CCDC197: variants seen among roughly 807,000 people sequenced by gnomAD.
CCDC197 encodes the protein uncharacterized protein CCDC197.
A neutral mutation model predicts 13.4 loss-of-function variants in CCDC197; 24 were observed. The ratio of observed to expected loss-of-function variants is 1.80; its 90% CI spans 1.30 to 2.53. CCDC197 has a LOEUF of 2.53. CCDC197 is among the 30% of genes most tolerant of loss of function. The pLI is 0.00. For synonymous variants in CCDC197, 99 were observed against 55.5 expected, an observed-to-expected ratio of 1.78 and a Z score of -3.48; for missense variants, 255 against 148.8, an observed-to-expected ratio of 1.71 and a Z score of -3.71.
At chr14:93,998,557 C>T (rs987562547) in intron 2 of CCDC197, among the ~76,000 whole-genome samples, 2 of 152,174 alleles carry the variant, frequency 1.3e-5, no homozygotes, top group African/African-American at 2.4e-5. Context: ...GGCCAGTCTA[C>T]GAGGTTGCCG....
At chr14:93,995,802 G>T (rs1890280741), upstream of CCDC197, among the ~76,000 whole-genome samples, 2 of 152,096 alleles carry the variant, frequency 1.3e-5, no homozygotes, top group African/African-American at 4.8e-5. Context: ...TTCTGATTCT[G>T]CACCTCCCTA....
Position 94,008,748 on chromosome 14 carries a change from G to A in CCDC197, c.755G>A (p.Arg252Gln), listed in dbSNP as rs768169605. 1.6e-5 allele frequency: 11 copies of A among 702,630 alleles called. No homozygotes were observed. Among genetic ancestry groups the A allele is most frequent in the Admixed American group, 4.0e-5 (2 of 50,004 alleles). The allele number at this position is 702,630 out of a possible 1,614,324, so 43.5% of individuals were successfully genotyped here. Residue 252 changes from arginine (R) to glutamine (Q), a missense_variant, in exon 7 of 7, where the codon CGG (arginine) becomes CAG (glutamine). Arg to Gln is a conservative substitution (Grantham distance 43, BLOSUM62 1). Coordinates refer to ENST00000636493, the MANE Select transcript of CCDC197 (RefSeq NM_001351596.2). ...PKPFRKCPRRRVSTPRTPFPS... is the reference protein window; with the variant it reads ...PKPFRKCPRRQVSTPRTPFPS... ...CCCTTCAGGAAATGTCCAAGGAGGC[G>A]GGTTTCCACCCCCAGGACCCCCTTT... is the stretch of plus-strand genomic sequence containing the variant.
upstream of CCDC197, among the ~76,000 whole-genome samples, chr14:93,996,879 G>A (rs1246462499): frequency 1.3e-5 from 2 of 152,210 alleles, no homozygotes; most frequent in African/African-American, 2.4e-5. Context: ...CCCAGACATG[G>A]GTCCTTCAGC....
intron 4 of CCDC197, 22 bp downstream of exon 4, chr14:94,001,345 C>T (rs1890500163): frequency 2.7e-6 from 2 of 735,452 alleles, no homozygotes; most frequent in Non-Finnish European, 5.1e-6. Flanking sequence ...TTGAAGTCTG[C>T]TCCATTCCCC....
intron 1 of CCDC197, among the ~76,000 whole-genome samples, chr14:93,989,862 A>G (rs915680815): frequency 2.6e-5 from 4 of 152,136 alleles, no homozygotes; most frequent in Admixed American, 6.5e-5. Flanking sequence ...TCTACATTCA[A>G]ACTTACTCAG....
intron 2 of CCDC197, among the ~76,000 whole-genome samples, chr14:93,998,536 G>A (rs922055932): frequency 1.8e-4 from 28 of 152,146 alleles, no homozygotes; most frequent in Non-Finnish European, 3.4e-4. Flanking sequence ...CTGTCCACTC[G>A]GCCCCTCTAA....
At position 94,004,843 on chromosome 14, in the gene CCDC197, T is replaced by G; in HGVS notation, c.499-12T>G. 1.4e-6 allele frequency: 1 copy of G among 702,756 alleles called. No individual in the cohort carries two copies. 43.5% of individuals were successfully genotyped at this position (702,756 alleles called of 1,614,324 possible). A position where few individuals can be genotyped will look rare whatever the true frequency, so the allele number is the denominator to read the frequency against. On this transcript the variant is annotated splice_polypyrimidine_tract_variant and intron_variant, in intron 5 of 6. Coordinates refer to ENST00000636493, the MANE Select transcript of CCDC197 (RefSeq NM_001351596.2). ...AGCCTGAGCCACCACCTCCTCCTTC[T>G]CTTTCCTGCAGGATCAGCTGCTCGG...
At chr14:93,998,573 A>G (rs1249483090) in intron 2 of CCDC197, among the ~76,000 whole-genome samples, 10 of 151,758 alleles carry the variant, frequency 6.6e-5, no homozygotes, top group Non-Finnish European at 1.5e-5. Context: ...TGCCGCCTTG[A>G]CTCTTAGTGG....
chr14:94,009,418 T>C (rs899158229), downstream of CCDC197, among the ~76,000 whole-genome samples: 4 of 152,034 alleles, frequency 2.6e-5, no homozygotes, highest in South Asian at 4.2e-4. Flanking sequence ...TCTGGGCTGG[T>C]TTTTCTACCT....
chr14:94,006,080 T>G (rs1890670944), intron 6 of CCDC197, among the ~76,000 whole-genome samples: 1 of 152,230 alleles, frequency 6.6e-6, no homozygotes, highest in Non-Finnish European at 1.5e-5. Flanking sequence ...ACTGCCAAAC[T>G]CTTTTCCAAA....
At chr14:93,991,856 AAGG>A (rs1337462873) in intron 1 of CCDC197, among the ~76,000 whole-genome samples, 2 of 152,204 alleles carry the variant, frequency 1.3e-5, no homozygotes, top group Non-Finnish European at 2.9e-5. Flanking sequence ...TGCGGCCAGG[AAGG>A]AGAACAGAAA....
At chr14:94,006,832 CTTGT>C (rs1423740416) in intron 6 of CCDC197, among the ~76,000 whole-genome samples, 2 of 151,828 alleles carry the variant, frequency 1.3e-5, no homozygotes, top group East Asian at 1.9e-4. Context: ...TGTATTTTTG[CTTGT>C]TTGTTTGAGA....
At chr14:93,993,415 T>C (rs552679983), upstream of CCDC197, among the ~76,000 whole-genome samples, 1 of 152,238 alleles carries the variant, frequency 6.6e-6, no homozygotes, top group Admixed American at 6.5e-5. Flanking sequence ...ATGCTAAGTG[T>C]TGTACGTGGA....
chr14:93,990,007 T>A (rs1890179222), intron 1 of CCDC197, among the ~76,000 whole-genome samples: 1 of 152,230 alleles, frequency 6.6e-6, no homozygotes, highest in African/African-American at 2.4e-5. Context: ...ATCTCAGCAA[T>A]GAGAACCTCT....
At chr14:94,010,804 C>T (rs946702935), downstream of CCDC197, among the ~76,000 whole-genome samples, 7 of 152,146 alleles carry the variant, frequency 4.6e-5, no homozygotes, top group African/African-American at 1.4e-4. Context: ...CACACTCATG[C>T]CTCTCTGTTC....
chr14:94,006,402 G>C (rs1345966785), intron 6 of CCDC197, among the ~76,000 whole-genome samples: 1 of 151,514 alleles, frequency 6.6e-6, no homozygotes, highest in Non-Finnish European at 1.5e-5. Context: ...GCCCAGGCTG[G>C]AGTGCAATGG....
chr14:94,009,100 G>A (rs868019533), downstream of CCDC197, among the ~76,000 whole-genome samples: 2 of 152,186 alleles, frequency 1.3e-5, no homozygotes, highest in African/African-American at 4.8e-5. Context: ...CCTGGGAGCC[G>A]GGGCTACATC....
At chr14:94,006,851 G>T (rs1291747341) in intron 6 of CCDC197, among the ~76,000 whole-genome samples, 2 of 152,044 alleles carry the variant, frequency 1.3e-5, no homozygotes, top group Non-Finnish European at 2.9e-5. Flanking sequence ...TTGAGACAGG[G>T]TCTCAGTCTA....
chr14:93,992,284 C>A (rs1890226351), intron 1 of CCDC197, among the ~76,000 whole-genome samples: 1 of 152,074 alleles, frequency 6.6e-6, no homozygotes. Flanking sequence ...CCAGGTGGGA[C>A]CAACATGGGC....
Sources: gnomAD v4.1 joint callset for allele counts (sites outside exome capture counted in the v4.1 genomes callset) on GRCh38, gnomAD v4.1.1 for gene constraint, MANE v1.5 for transcripts, NCBI Gene and HGNC (gene_info 2026-07-23, HGNC 2026-07-21) for gene names.